HNRNPL: variants seen among roughly 807,000 people sequenced by gnomAD.
HNRNPL encodes the protein epididymis secretory sperm binding protein.
In HNRNPL, 12 loss-of-function variants were observed where a neutral mutation model predicts 64.0. The observed-to-expected ratio is 0.19, with a 90% CI of 0.12 to 0.30. The LOEUF (loss-of-function observed/expected upper bound fraction) is 0.30, where lower values mean the gene tolerates loss of function less well. HNRNPL is among the 10% of genes least tolerant of loss of function. The probability of loss-of-function intolerance (pLI) is 1.00; values close to 1 mark genes in which losing one functional copy is unlikely to be tolerated. For synonymous variants in HNRNPL, 385 were observed against 313.0 expected (o/e 1.23, Z -2.43); for missense variants, 484 against 797.4 (o/e 0.61, Z 4.73).
chr19:38,850,950 C>G, upstream of HNRNPL: 1 of 152,306 alleles, frequency 6.6e-6, no homozygotes, highest in Admixed American at 6.5e-5. Flanking sequence ...TCCACTACCC[C>G]TCCTGCAGGA....
intron 6 of HNRNPL, 59 bp downstream of exon 6, chr19:38,843,783 G>T: frequency 1.5e-6 from 2 of 1,375,768 alleles, no homozygotes; most frequent in Non-Finnish European, 2.1e-6. Context: ...CCTATTAAGT[G>T]CACTAGTCGA....
chr19:38,849,394 A>C, intron 1 of HNRNPL: 1 of 327,836 alleles, frequency 3.1e-6, no homozygotes, highest in Non-Finnish European at 5.5e-6. Flanking sequence ...AAGGGGAAAA[A>C]AACCGGCCGG....
In HNRNPL at chr19:38,847,297, T is replaced by C; in HGVS notation, c.386+19A>G. The C allele has an allele frequency of 7.6e-7, 1 of 1,320,838 alleles. No homozygotes were observed. The highest frequency in any genetic ancestry group is 1.5e-5 in the African/African-American group (1 of 66,040). 81.8% of individuals were successfully genotyped at this position (1,320,838 alleles called of 1,614,324 possible). ...GAGTCAACTTTGGAAGCCCAACACC[T>C]GGCCTCTGAGCCCAGTACCTGATGG... On this transcript the variant is annotated intron_variant, in intron 2 of 12. Transcript: ENST00000221419.
chr19:38,841,905 G>A, intron 6 of HNRNPL: 1 of 361,044 alleles, frequency 2.8e-6, no homozygotes, highest in Non-Finnish European at 5.4e-6. Context: ...GTGCGGTGGT[G>A]CGGTGCTTCT....
intron 2 of HNRNPL, among the ~76,000 whole-genome samples, 195 bp downstream of exon 2, chr19:38,847,121 C>T (rs929641845): frequency 6.6e-6 from 1 of 152,054 alleles, no homozygotes; most frequent in South Asian, 2.1e-4. Context: ...AGAGGAAAAA[C>T]GAAGGAAGGA....
intron 1 of HNRNPL, among the ~76,000 whole-genome samples, chr19:38,848,389 G>A (rs916452018): frequency 1.3e-5 from 2 of 152,160 alleles, no homozygotes; most frequent in Admixed American, 6.5e-5. Flanking sequence ...CCCCACTCCC[G>A]GATGGAAAGT....
In HNRNPL at chr19:38,837,582, C is replaced by T. The variant is rs376916794; in HGVS notation, c.1615+12G>A. 1.2e-5 allele frequency: 20 copies of T among 1,613,998 alleles called. No individual in the cohort carries two copies. The highest frequency in any genetic ancestry group is 1.6e-5 in the Non-Finnish European group (19 of 1,179,938). ...TGCAATTAGGGCAAGGAGGTGGGCA[C>T]ACTCGACTCACTTTTGCCTGAGAAT... On this transcript the variant is annotated intron_variant, in intron 11 of 12. Transcript: ENST00000221419.
chr19:38,843,831 G>A lies in HNRNPL; in HGVS notation c.880+11C>T, dbSNP rs374481287. ...CGGGTATGTTTAGAACAAAGTGGTCGTCAAGATTACCTTGTCCACTGAGAT... is the reference window on the plus strand; with the variant it reads ...CGGGTATGTTTAGAACAAAGTGGTCATCAAGATTACCTTGTCCACTGAGAT... On this transcript the variant is annotated intron_variant, in intron 6 of 12. Coordinates refer to ENST00000221419, the MANE Select transcript of HNRNPL (RefSeq NM_001533.3). 29 of 1,610,030 alleles carry A rather than the reference G, an allele frequency of 1.8e-5. No individual in the cohort carries two copies. The highest frequency in any genetic ancestry group is 1.6e-4 in the Middle Eastern group (1 of 6,078).
chr19:38,851,223 T>G (rs1972495830), upstream of HNRNPL: 1 of 152,390 alleles, frequency 6.6e-6, no homozygotes, highest in Non-Finnish European at 1.5e-5. Context: ...CGGGCCTTTC[T>G]TCCTCAAGGG....
At position 38,845,659 on chromosome 19, in the gene HNRNPL, G is replaced by A; in HGVS notation, c.701C>T (p.Ala234Val). The change falls in exon 4 of 13, where the codon GCG becomes GTG. Residue 234 changes from alanine (A) to valine (V), a missense_variant. Ala to Val is a moderately conservative substitution (Grantham distance 64, BLOSUM62 0). This residue lies in a region of HNRNPL where 60 missense variants were observed against 192.2 expected (regional missense o/e 0.31). Transcript: ENST00000221419. Reference protein sequence around the residue: ...IVIFRKNGVQAMVEFDSVQSA... With the variant: ...IVIFRKNGVQVMVEFDSVQSA... The stretch of plus-strand genomic sequence containing the variant: ...TTCCAGCAAAGGATATTCCACCATC[G>A]CCTGAACTCCATTCTTCCTGAAAAT... 6.2e-7 allele frequency: 1 copy of A among 1,612,322 alleles called. No homozygotes were observed. The highest frequency in any genetic ancestry group is 1.1e-5 in the South Asian group (1 of 91,042).
chr19:38,840,582 G>C, intron 6 of HNRNPL, 23 bp from the exon 7 acceptor site: 2 of 1,557,678 alleles, frequency 1.3e-6, no homozygotes, highest in Non-Finnish European at 1.7e-6. Flanking sequence ...AAAACAGTTA[G>C]GAGTCTCACT....
chr19:38,845,806 G>C (rs562354417), intron 3 of HNRNPL, 47 bp downstream of exon 3: 2 of 1,596,502 alleles, frequency 1.3e-6, no homozygotes, highest in East Asian at 2.2e-5. Context: ...GGGAATAAGG[G>C]GAGAAAAGGA....
At chr19:38,850,069 G>A, upstream of HNRNPL, 1 of 945,578 alleles carries the variant, frequency 1.1e-6, no homozygotes, top group Non-Finnish European at 1.5e-6. Flanking sequence ...CCGCCGCGGG[G>A]GGAGGGTAGG....
intron 1 of HNRNPL, 97 bp from the exon 2 acceptor site, chr19:38,847,531 T>C (rs1972340675): frequency 3.2e-6 from 2 of 622,792 alleles, no homozygotes; most frequent in Non-Finnish European, 5.2e-6. Flanking sequence ...GATAAAACAG[T>C]TGGAGGTCAT....
intron 2 of HNRNPL, among the ~76,000 whole-genome samples, chr19:38,846,414 C>T (rs187287444): frequency 6.6e-6 from 1 of 152,204 alleles, no homozygotes; most frequent in Non-Finnish European, 1.5e-5. Context: ...CATCCAGATA[C>T]AGCTCACTAC....
chr19:38,841,749 G>C (rs185160843), intron 6 of HNRNPL: 1 of 664,114 alleles, frequency 1.5e-6, no homozygotes, highest in Non-Finnish European at 2.4e-6. Flanking sequence ...TTTTTTTAAA[G>C]AATTGTTTTA....
intron 12 of HNRNPL, 183 bp downstream of exon 12, chr19:38,837,201 A>C (rs565042550): frequency 3.3e-6 from 2 of 602,870 alleles, no homozygotes; most frequent in Admixed American, 5.8e-5. Flanking sequence ...GCAGGCAGTC[A>C]GGCTGGCTCT....
rs1972018090 is a variant in HNRNPL, at chr19:38,838,887, C to T, written c.1355+7G>A. ...CCTCTGCTGCCCTCCCGAGCCTGAG[C>T]ACCTACCAGACATTCAGCTTCTGCC... On this transcript the variant is annotated splice_region_variant and intron_variant, in intron 9 of 12. Coordinates refer to ENST00000221419, the MANE Select transcript of HNRNPL (RefSeq NM_001533.3). The T allele has an allele frequency of 1.2e-6, 2 of 1,614,004 alleles. No homozygotes were observed. The highest frequency in any genetic ancestry group is 2.2e-5 in the South Asian group (2 of 91,076).
At chr19:38,838,069 G>A (rs1052021954) in intron 10 of HNRNPL, among the ~76,000 whole-genome samples, 3 of 152,204 alleles carry the variant, frequency 2.0e-5, no homozygotes, top group Non-Finnish European at 4.4e-5. Context: ...CGAAGCCTAC[G>A]CCAATGCGGT....
Sources: gnomAD v4.1 joint callset for allele counts (sites outside exome capture counted in the v4.1 genomes callset) on GRCh38, gnomAD v4.1.1 for gene constraint, gnomAD v4.1.1 regional missense constraint, MANE v1.5 for transcripts, NCBI Gene and HGNC (gene_info 2026-07-23, HGNC 2026-07-21) for gene names.